STK24: variants seen among roughly 807,000 people sequenced by gnomAD.
STK24 encodes the protein serine/threonine kinase 24.
Under a neutral mutation model 55.6 loss-of-function variants are expected in STK24, and 21 were observed. That is an observed-to-expected ratio of 0.38 (90% CI 0.27 to 0.54). The LOEUF is 0.54. Among genes scored for constraint, STK24 ranks in the 20% least tolerant of loss-of-function variants. STK24 has a pLI of 0.79. For missense variants in STK24, 383 were observed against 538.4 expected (o/e 0.71, Z 2.86); for synonymous variants, 200 against 215.2 (o/e 0.93, Z 0.62).
rs554144099 is a variant in STK24, at chr13:98,508,824, A to T, written c.273+10419T>A. 144 of 152,340 alleles carry T rather than the reference A, an allele frequency of 9.5e-4. 1 individual carries two copies. The highest frequency in any genetic ancestry group is 3.3e-3 in the African/African-American group (138 of 41,576). 9.4% of individuals were successfully genotyped at this position (152,340 alleles called of 1,614,324 possible). A position where few individuals can be genotyped will look rare whatever the true frequency, so the allele number is the denominator to read the frequency against. On this transcript the variant is annotated intron_variant, in intron 2 of 10. Transcript: ENST00000539966. ...TTTTATTCCCATGAAGCTCCCACTT[A>T]AAACAATTCACACCTTCTCTGCTTT...
chr13:98,549,092 T>G (rs758144157), intron 1 of STK24, among the ~76,000 whole-genome samples: 4 of 152,188 alleles, frequency 2.6e-5, no homozygotes, highest in Admixed American at 6.5e-5. Context: ...ACACATGCTG[T>G]GAAACACAAT....
At chr13:98,575,432 TAC>T (rs34923137) in intron 1 of STK24, among the ~76,000 whole-genome samples, 16 of 139,810 alleles carry the variant, frequency 1.1e-4, no homozygotes, top group East Asian at 2.1e-4. Context: ...CACACACATA[TAC>T]ACACACACAC....
Position 98,447,837 on chromosome 13 carries a change from C to CCTGT in STK24, c.*5332_*5335dup, listed in dbSNP as rs2050241489. 1 of 184,876 alleles carries CCTGT rather than the reference C, an allele frequency of 5.4e-6. No homozygotes were observed. The highest frequency in any genetic ancestry group is 1.1e-5 in the Non-Finnish European group (1 of 90,690). The allele number at this position is 184,876 out of a possible 1,614,324, so 11.5% of individuals were successfully genotyped here. On this transcript the variant is annotated 3_prime_UTR_variant, in exon 11 of 11. Transcript: ENST00000539966. The stretch of plus-strand genomic sequence containing the variant: ...TCCAGTATGAGTGACAGAGCCAGAC[C>CCTGT]CTGTCTCAAAAAAAAAAGAAAAAGA...
chr13:98,454,694 G>C (rs1359344043), intron 10 of STK24: 2 of 152,190 alleles, frequency 1.3e-5, no homozygotes, highest in East Asian at 1.9e-4. Context: ...AACATGTTTG[G>C]AGCAAAACTG....
chr13:98,535,690 A>C lies in STK24; in HGVS notation c.43-16217T>G, dbSNP rs1005248976. Among the ~76,000 whole-genome samples, 6 of 152,126 alleles carry C rather than the reference A, an allele frequency of 3.9e-5. No individual in the cohort carries two copies. In the South Asian group the frequency reaches 8.3e-4, roughly 21 times the overall value. On this transcript the variant is annotated intron_variant, in intron 1 of 10. Transcript: ENST00000539966. ...GAACACTGTCCTCATTACACAGCTG[A>C]GACAATTCGGGCACAGATCTTACAC...
intron 2 of STK24, among the ~76,000 whole-genome samples, chr13:98,507,292 T>C (rs1440418474): frequency 2.0e-5 from 3 of 152,164 alleles, no homozygotes; most frequent in African/African-American, 7.2e-5. Context: ...AGACCAGGAA[T>C]GAGGAAACTC....
In STK24 at chr13:98,474,825, G is replaced by A. The variant is rs200214942; in HGVS notation, c.593C>T (p.Ser198Leu). The A allele has an allele frequency of 2.2e-5, 36 of 1,609,476 alleles. No homozygotes were observed. Among genetic ancestry groups the A allele is most frequent in the East Asian group, 2.2e-4 (10 of 44,770 alleles). ...PEVIKQSAYD[S>L]KADIWSLGIT... ...CCGCCCTCACCCTCCCCTCACCTTC[G>A]AGTCATAGGCCGACTGTTTGATGAC... Residue 198 changes from serine to leucine, a missense_variant, in exon 5 of 11, where the codon TCG becomes TTG. By Grantham distance (145) the Ser-to-Leu change is moderately radical (BLOSUM62 -2). Coordinates refer to ENST00000539966, the MANE Select transcript of STK24 (RefSeq NM_001032296.4).
At position 98,450,829 on chromosome 13, in the gene STK24, T is replaced by G. The variant is rs1288815769; in HGVS notation, c.*2344A>C. 3.3e-5 allele frequency: 5 copies of G among 152,272 alleles called. No homozygotes were observed. Among genetic ancestry groups the G allele is most frequent in the African/African-American group, 1.2e-4 (5 of 41,458 alleles). The allele number at this position is 152,272 out of a possible 1,614,324, so 9.4% of individuals were successfully genotyped here. A position where few individuals can be genotyped will look rare whatever the true frequency, so the allele number is the denominator to read the frequency against. ...AGTGGCGACACAAAAGCCAGCTTCC[T>G]TGGCTAAGATGCCCTTAAAAACATT... On this transcript the variant is annotated 3_prime_UTR_variant, in exon 11 of 11. Coordinates refer to ENST00000539966, the MANE Select transcript of STK24 (RefSeq NM_001032296.4).
chr13:98,483,522 C>T (rs1894684254), intron 2 of STK24, among the ~76,000 whole-genome samples: 1 of 152,222 alleles, frequency 6.6e-6, no homozygotes, highest in African/African-American at 2.4e-5. Flanking sequence ...ACTGCGCTGA[C>T]TCCAAGTGAG....
intron 2 of STK24, among the ~76,000 whole-genome samples, chr13:98,507,234 G>A (rs1413798469): frequency 6.6e-6 from 1 of 152,252 alleles, no homozygotes; most frequent in Admixed American, 6.5e-5. Context: ...AGAAAATGGG[G>A]GAGAAGTACT....
At chr13:98,473,438 A>T (rs555454828) in intron 5 of STK24, among the ~76,000 whole-genome samples, 57 of 151,304 alleles carry the variant, frequency 3.8e-4, no homozygotes, top group African/African-American at 1.3e-3. Flanking sequence ...ATCTACACAG[A>T]TGAACTTTGA....
At chr13:98,461,408 C>T (rs1893698975) in intron 8 of STK24, among the ~76,000 whole-genome samples, 1 of 152,184 alleles carries the variant, frequency 6.6e-6, no homozygotes, top group South Asian at 2.1e-4. Flanking sequence ...AACTCAGTCA[C>T]AAAATTATGA....
rs145552465 is a variant in STK24, at chr13:98,570,766, T to C, written c.42+5979A>G. On this transcript the variant is annotated intron_variant, in intron 1 of 10. Coordinates refer to ENST00000539966, the MANE Select transcript of STK24 (RefSeq NM_001032296.4). ...AGCCATTTAGGATTAAGAAACTCCA[T>C]AGTCACCCTCAGGAGGCAGGTTATT... Among the ~76,000 whole-genome samples, 686 of 152,328 alleles carry C rather than the reference T, an allele frequency of 4.5e-3. 4 individuals carry two copies. Among genetic ancestry groups the C allele is most frequent in the African/African-American group, 0.016 (663 of 41,582 alleles).
At chr13:98,461,093 TGAAACCCTG>T (rs1416971829) in intron 8 of STK24, among the ~76,000 whole-genome samples, 1 of 150,992 alleles carries the variant, frequency 6.6e-6, no homozygotes. Context: ...ACTTTACTAA[TGAAACCCTG>T]GAAATAGAAA....
At chr13:98,536,422 T>G (rs950730179) in intron 1 of STK24, among the ~76,000 whole-genome samples, 7 of 152,040 alleles carry the variant, frequency 4.6e-5, no homozygotes, top group African/African-American at 1.7e-4. Context: ...AGGAGTGCAG[T>G]GGCACAATCA....
chr13:98,511,017 TAGAC>T (rs1204384736), intron 2 of STK24, among the ~76,000 whole-genome samples: 1 of 152,166 alleles, frequency 6.6e-6, no homozygotes. Context: ...ATAAAAGAGA[TAGAC>T]AGTGTCTCAC....
intron 2 of STK24, among the ~76,000 whole-genome samples, chr13:98,504,093 A>G (rs1177861786): frequency 6.6e-6 from 1 of 152,200 alleles, no homozygotes; most frequent in African/African-American, 2.4e-5. Flanking sequence ...GCTTCCAAAG[A>G]TATTTTTACT....
At chr13:98,491,745 A>G (rs1895045497) in intron 2 of STK24, among the ~76,000 whole-genome samples, 1 of 152,148 alleles carries the variant, frequency 6.6e-6, no homozygotes, top group South Asian at 2.1e-4. Context: ...GAAGGAAAGC[A>G]AAGAATAGAA....
chr13:98,541,212 G>C (rs1896881697), intron 1 of STK24, among the ~76,000 whole-genome samples: 1 of 152,060 alleles, frequency 6.6e-6, no homozygotes, highest in African/African-American at 2.4e-5. Flanking sequence ...GTAATTTTGA[G>C]TTGGTCCGGG....
Sources: gnomAD v4.1 joint callset for allele counts (sites outside exome capture counted in the v4.1 genomes callset) on GRCh38, gnomAD v4.1.1 for gene constraint, MANE v1.5 for transcripts, NCBI Gene and HGNC (gene_info 2026-07-23, HGNC 2026-07-21) for gene names.